B9D1: variants seen among roughly 807,000 people sequenced by gnomAD.
B9D1 encodes the protein B9 domain containing 1.
B9D1 carries 20 observed loss-of-function variants against 26.1 expected under a neutral mutation model. That is an observed-to-expected ratio of 0.77 (90% CI 0.54 to 1.12). The LOEUF (loss-of-function observed/expected upper bound fraction) is 1.12. Ranked by LOEUF, B9D1 falls within the 50% of genes most tolerant of loss-of-function variation. B9D1 has a pLI of 0.00. For missense variants in B9D1, 260 were observed against 273.7 expected (o/e 0.95, Z 0.35); for synonymous variants, 105 against 103.1 (o/e 1.02, Z -0.11).
Position 19,347,654 on chromosome 17 carries a change from C to T in B9D1, c.341+130G>A. The T allele has an allele frequency of 4.4e-6, 4 of 910,564 alleles. No individual in the cohort carries two copies. The highest frequency in any genetic ancestry group is 5.2e-6 in the Non-Finnish European group (3 of 572,550). 56.4% of individuals were successfully genotyped at this position (910,564 alleles called of 1,614,324 possible). On this transcript the variant is annotated intron_variant, in intron 4 of 6. Coordinates refer to ENST00000261499, the MANE Select transcript of B9D1 (RefSeq NM_015681.6). The surrounding 1 kb of genome is among the most constrained non-coding windows in gnomAD (Gnocchi z 4.3). ...CAAATACAGGCTACAACCCCCCTGGCCACCAGGCTGAGCTGCCCAGGCCCC... is the reference window on the plus strand; with the variant it reads ...CAAATACAGGCTACAACCCCCCTGGTCACCAGGCTGAGCTGCCCAGGCCCC...
rs1012661305 is a variant in B9D1, at chr17:19,372,605, C to T, written c.-298+5254G>A. Among the ~76,000 whole-genome samples, 2 of 152,192 alleles carry T rather than the reference C, an allele frequency of 1.3e-5. No homozygotes were observed. The highest frequency in any genetic ancestry group is 1.5e-5 in the Non-Finnish European group (1 of 68,042). On this transcript the variant is annotated intron_variant, in intron 1 of 5. Transcript: ENST00000477478. The surrounding 1 kb of genome is among the most constrained non-coding windows in gnomAD (Gnocchi z 4.4). ...GGGCCCATTCTTAGCTCCCCAGGGC[C>T]GGCCCCCCATCTCGGTGCCTGTCAC... is the stretch of plus-strand genomic sequence containing the variant.
rs775156834 is a variant in B9D1, at chr17:19,362,676, T to G, written c.-107A>C. 3.1e-5 allele frequency: 47 copies of G among 1,509,268 alleles called. No homozygotes were observed. Among genetic ancestry groups the G allele is most frequent in the Non-Finnish European group, 3.2e-5 (36 of 1,123,604 alleles). 93.5% of individuals were successfully genotyped at this position (1,509,268 alleles called of 1,614,324 possible). A position where few individuals can be genotyped will look rare whatever the true frequency, so the allele number is the denominator to read the frequency against. ...GGCGTAGCGCGCAGGACACGTTTCT[T>G]GGCAGCGACACCTTCGCGAAGGCCA... On this transcript the variant is annotated 5_prime_UTR_variant, in exon 1 of 7. Coordinates refer to ENST00000261499, the MANE Select transcript of B9D1 (RefSeq NM_015681.6).
At chr17:19,344,909 G>A (rs563947453) in intron 5 of B9D1, among the ~76,000 whole-genome samples, 1 of 152,346 alleles carries the variant, frequency 6.6e-6, no homozygotes, top group East Asian at 1.9e-4. Flanking sequence ...GGGAAGGGAT[G>A]GGCAGCCACA....
downstream of B9D1, among the ~76,000 whole-genome samples, chr17:19,337,091 CTT>C (rs915255830): frequency 3.1e-4 from 47 of 152,188 alleles, no homozygotes; most frequent in Non-Finnish European, 6.8e-4. Context: ...TCTGCCTCCT[CTT>C]GTGTCCATGC....
chr17:19,337,779 C>A (rs767121953), downstream of B9D1: 8 of 1,465,360 alleles, frequency 5.5e-6, no homozygotes, highest in South Asian at 9.6e-5. Context: ...AAGGGTCAAG[C>A]ATAGATTTCT....
chr17:19,377,685 G>T, intron 1 of B9D1: 1 of 237,432 alleles, frequency 4.2e-6, no homozygotes, highest in Non-Finnish European at 6.9e-6. Flanking sequence ...CTACATGAAT[G>T]AACGAATAAA....
rs1369062245 is a variant in B9D1, at chr17:19,372,327, G to C, written c.-298+5532C>G. On this transcript the variant is annotated intron_variant, in intron 1 of 5. Coordinates refer to the B9D1 transcript ENST00000477478. This position sits in a 1 kb window ranked among gnomAD's most constrained non-coding sequence, Gnocchi z 4.4. ...CTCGAGGTCAGGGCTGTCAGTCTTGGCTACCTGCATGGCCTTGGGGCCCTG... is the reference window on the plus strand; with the variant it reads ...CTCGAGGTCAGGGCTGTCAGTCTTGCCTACCTGCATGGCCTTGGGGCCCTG... 1 of 152,214 alleles carries C rather than the reference G, an allele frequency of 6.6e-6. No individual in the cohort carries two copies. Among genetic ancestry groups the C allele is most frequent in the Non-Finnish European group, 1.5e-5 (1 of 68,058 alleles). 9.4% of individuals were successfully genotyped at this position (152,214 alleles called of 1,614,324 possible). A position where few individuals can be genotyped will look rare whatever the true frequency, so the allele number is the denominator to read the frequency against.
In B9D1 at chr17:19,343,983, C is replaced by T. The variant is rs975020937; in HGVS notation, c.405-126G>A. 6 of 1,416,382 alleles carry T rather than the reference C, an allele frequency of 4.2e-6. No individual in the cohort carries two copies. The South Asian group carries it at 5.2e-5, about 12-fold the overall frequency. The allele number at this position is 1,416,382 out of a possible 1,614,324, so 87.7% of individuals were successfully genotyped here. A position where few individuals can be genotyped will look rare whatever the true frequency, so the allele number is the denominator to read the frequency against. On this transcript the variant is annotated intron_variant, in intron 5 of 6. Coordinates refer to ENST00000261499, the MANE Select transcript of B9D1 (RefSeq NM_015681.6). ...TCTTGTTCCAACCGCACCCCACCCC[C>T]ACCAGGAGTCAGGCCCTAAGCAGAG...
rs150978549 is a variant in B9D1 at position 19,355,021 on chromosome 17, C to T, written c.244+2819G>A. Among the ~76,000 whole-genome samples the T allele has an allele frequency of 6.5e-3, 992 of 152,132 alleles. 9 individuals carry two copies. Among genetic ancestry groups the T allele is most frequent in the African/African-American group, 0.023 (934 of 41,470 alleles). The stretch of plus-strand genomic sequence containing the variant: ...CTTCCAATATTGTCTCCAGCTTGTC[C>T]TCTCCCCCTCCTTCCAGGATTCCAA... On this transcript the variant is annotated intron_variant, in intron 3 of 6. Transcript: ENST00000261499.
At chr17:19,354,526 C>A (rs1263525488) in intron 3 of B9D1, among the ~76,000 whole-genome samples, 3 of 152,180 alleles carry the variant, frequency 2.0e-5, no homozygotes, top group Non-Finnish European at 4.4e-5. Flanking sequence ...TGTGTACTAG[C>A]TGCTTTCAAG....
downstream of B9D1, chr17:19,343,082 G>A (rs1030339874): frequency 1.1e-5 from 16 of 1,409,302 alleles, no homozygotes; most frequent in Non-Finnish European, 1.5e-5. Flanking sequence ...GGGACAGGGA[G>A]AGCCCTGGAG....
intron 3 of B9D1, among the ~76,000 whole-genome samples, chr17:19,354,411 T>C (rs2152270342): frequency 6.6e-6 from 1 of 152,346 alleles, no homozygotes; most frequent in Non-Finnish European, 1.5e-5. Context: ...TGTCAGCAAA[T>C]AGAGCTCAAT....
upstream of B9D1, chr17:19,362,898 T>A: frequency 4.4e-6 from 2 of 455,368 alleles, no homozygotes; most frequent in Non-Finnish European, 8.1e-6. Context: ...AGGGAGTGTG[T>A]GTTCACTCTG....
chr17:19,347,644 AC>A lies in B9D1; in HGVS notation c.341+139del. The A allele has an allele frequency of 8.3e-6, 7 of 848,330 alleles. No homozygotes were observed. Among genetic ancestry groups the A allele is most frequent in the Non-Finnish European group, 7.7e-6 (4 of 518,602 alleles). The allele number at this position is 848,330 out of a possible 1,614,324, so 52.6% of individuals were successfully genotyped here. ...GTTCTCCTCCCAAATACAGGCTACA[AC>A]CCCCCTGGCCACCAGGCTGAGCTGC... On this transcript the variant is annotated intron_variant, in intron 4 of 6. Coordinates refer to ENST00000261499, the MANE Select transcript of B9D1 (RefSeq NM_015681.6). This position sits in a 1 kb window ranked among gnomAD's most constrained non-coding sequence, Gnocchi z 4.3.
At chr17:19,369,821 G>T (rs561817519) in intron 1 of B9D1, among the ~76,000 whole-genome samples, 1 of 152,144 alleles carries the variant, frequency 6.6e-6, no homozygotes, top group Non-Finnish European at 1.5e-5. Context: ...GGAGATTCAC[G>T]ATTGCTTCTG....
chr17:19,341,199 T>C, downstream of B9D1: 3 of 1,231,588 alleles, frequency 2.4e-6, no homozygotes, highest in East Asian at 3.2e-5. Flanking sequence ...GCCTGAGGCT[T>C]GTACGTGCAC....
chr17:19,354,314 T>A (rs1053519583), intron 3 of B9D1, among the ~76,000 whole-genome samples: 1 of 152,210 alleles, frequency 6.6e-6, no homozygotes, highest in African/African-American at 2.4e-5. Flanking sequence ...CCTCTCCCCA[T>A]GCCTCAGTCA....
upstream of B9D1, chr17:19,363,112 T>A (rs1299728941): frequency 1.2e-5 from 2 of 164,448 alleles, no homozygotes; most frequent in Non-Finnish European, 2.7e-5. Flanking sequence ...CGGGGCTAAC[T>A]CTGGAATGCC....
chr17:19,359,156 C>G lies in B9D1; in HGVS notation c.132+1164G>C, dbSNP rs915248335. Among the ~76,000 whole-genome samples, 4 of 152,242 alleles carry G rather than the reference C, an allele frequency of 2.6e-5. No individual in the cohort carries two copies. Among genetic ancestry groups the G allele is most frequent in the African/African-American group, 9.6e-5 (4 of 41,470 alleles). On this transcript the variant is annotated intron_variant, in intron 2 of 6. Coordinates refer to ENST00000261499, the MANE Select transcript of B9D1 (RefSeq NM_015681.6). The surrounding 1 kb of genome is among the most constrained non-coding windows in gnomAD (Gnocchi z 5.0). The stretch of plus-strand genomic sequence containing the variant: ...GGCTGCCTGCTCTTGCCCTTTCCCC[C>G]CGAGTCTATCCTTGTCGTAGAAGCC...
Sources: gnomAD v4.1 joint callset for allele counts (sites outside exome capture counted in the v4.1 genomes callset) on GRCh38, gnomAD v4.1.1 for gene constraint, Gnocchi (gnomAD v3.1) non-coding constraint, MANE v1.5 for transcripts, NCBI Gene and HGNC (gene_info 2026-07-23, HGNC 2026-07-21) for gene names.